Variants in ZBTB44 observed in about 807,000 individuals in gnomAD.
ZBTB44 encodes zinc finger and BTB domain containing 44, also known as zinc finger and BTB domain-containing protein 44.
In ZBTB44, 15 loss-of-function variants were observed where a neutral mutation model predicts 54.0. The observed-to-expected ratio is 0.28, with a 90% CI of 0.19 to 0.43. The LOEUF (loss-of-function observed/expected upper bound fraction) is 0.43, where lower values mean the gene tolerates loss of function less well. Ranked by LOEUF, ZBTB44 falls within the 20% of genes least tolerant of loss-of-function variation. The probability of loss-of-function intolerance (pLI) is 1.00; values close to 1 mark genes in which losing one functional copy is unlikely to be tolerated. For missense variants in ZBTB44, 487 were observed against 707.1 expected (o/e 0.69, Z 3.53); for synonymous variants, 230 against 250.1 (o/e 0.92, Z 0.76).
intron 1 of ZBTB44, among the ~76,000 whole-genome samples, chr11:130,309,968 A>C (rs1289965362): frequency 6.6e-6 from 1 of 152,018 alleles, no homozygotes; most frequent in Non-Finnish European, 1.5e-5. Context: ...CTCTTTAAAG[A>C]CATGATTTAA....
At chr11:130,278,060 T>C (rs1360629004) in intron 1 of ZBTB44, among the ~76,000 whole-genome samples, 1 of 152,154 alleles carries the variant, frequency 6.6e-6, no homozygotes, top group Admixed American at 6.5e-5. Context: ...GCGTTTTTAC[T>C]GTATGTTTAA....
At chr11:130,251,059 A>G (rs1937957550) in intron 2 of ZBTB44, among the ~76,000 whole-genome samples, 1 of 152,222 alleles carries the variant, frequency 6.6e-6, no homozygotes, top group Admixed American at 6.5e-5. Flanking sequence ...AAAAGGTTAC[A>G]GCAACTGCTA....
At chr11:130,296,146 CA>C in intron 1 of ZBTB44, 2 of 1,461,466 alleles carry the variant, frequency 1.4e-6, no homozygotes, top group Non-Finnish European at 1.9e-6. Context: ...TTCTGCCACC[CA>C]AACTCGAAAA....
chr11:130,235,252 G>C (rs1954058828), intron 5 of ZBTB44, among the ~76,000 whole-genome samples: 1 of 152,152 alleles, frequency 6.6e-6, no homozygotes, highest in Non-Finnish European at 1.5e-5. Context: ...TTTCTAAAAA[G>C]TCTTCATTCA....
At chr11:130,312,478 C>G (rs1942667273) in intron 1 of ZBTB44, among the ~76,000 whole-genome samples, 1 of 152,142 alleles carries the variant, frequency 6.6e-6, no homozygotes, top group Non-Finnish European at 1.5e-5. Context: ...GCTAATTAAG[C>G]CTTCCTTTAC....
intron 1 of ZBTB44, among the ~76,000 whole-genome samples, chr11:130,278,502 C>T (rs958021016): frequency 6.6e-6 from 1 of 152,068 alleles, no homozygotes; most frequent in African/African-American, 2.4e-5. Flanking sequence ...TTTTCTATTG[C>T]TATATCATTT....
chr11:130,245,046 C>T (rs1395905902), intron 2 of ZBTB44, among the ~76,000 whole-genome samples: 1 of 152,204 alleles, frequency 6.6e-6, no homozygotes, highest in African/African-American at 2.4e-5. Flanking sequence ...ATAAAGAACA[C>T]TCATTACTAT....
chr11:130,294,969 C>T (rs774049261), intron 1 of ZBTB44, among the ~76,000 whole-genome samples: 1 of 152,172 alleles, frequency 6.6e-6, no homozygotes, highest in East Asian at 1.9e-4. Context: ...AAGAGTTCAA[C>T]TGCATATACG....
intron 1 of ZBTB44, among the ~76,000 whole-genome samples, chr11:130,277,827 G>C (rs1940215694): frequency 6.6e-6 from 1 of 151,818 alleles, no homozygotes; most frequent in South Asian, 2.1e-4. Context: ...TTTTTATCTA[G>C]GACAGTCTTT....
chr11:130,281,722 G>A (rs888161855), intron 1 of ZBTB44, among the ~76,000 whole-genome samples: 2 of 151,748 alleles, frequency 1.3e-5, no homozygotes, highest in African/African-American at 2.4e-5. Context: ...AGCCACCCAA[G>A]TAGCTGGGAC....
At chr11:130,306,806 T>A (rs1443541042) in intron 1 of ZBTB44, among the ~76,000 whole-genome samples, 2 of 151,900 alleles carry the variant, frequency 1.3e-5, no homozygotes, top group Non-Finnish European at 2.9e-5. Context: ...AAACCAAATA[T>A]CGTATGTTCT....
chr11:130,304,972 G>A lies in ZBTB44; in HGVS notation c.-57+9403C>T, dbSNP rs867894047. 5.9e-5 allele frequency among the ~76,000 whole-genome samples: 9 copies of A among 152,174 alleles called. No homozygotes were observed. In the South Asian group the frequency reaches 1.0e-3, roughly 18 times the overall value. On this transcript the variant is annotated intron_variant, in intron 1 of 7. Coordinates refer to ENST00000357899, the MANE Select transcript of ZBTB44 (RefSeq NM_001301098.2). ...GCTATACACCAATGATGACCAAGCC[G>A]AGAATCAAATCAAGAACGCAATCCC...
chr11:130,249,230 T>A (rs1228644739), intron 2 of ZBTB44, among the ~76,000 whole-genome samples: 1 of 152,192 alleles, frequency 6.6e-6, no homozygotes, highest in Non-Finnish European at 1.5e-5. Context: ...AATATTTGGG[T>A]TCCTACTTTC....
At position 130,229,819 on chromosome 11, in the gene ZBTB44, T is replaced by C. The variant is rs1469387846; in HGVS notation, c.*1945A>G. The C allele has an allele frequency of 6.6e-6, 1 of 152,134 alleles. No individual in the cohort carries two copies. Among genetic ancestry groups the C allele is most frequent in the African/African-American group, 2.4e-5 (1 of 41,450 alleles). 9.4% of individuals were successfully genotyped at this position (152,134 alleles called of 1,614,324 possible). On this transcript the variant is annotated 3_prime_UTR_variant, in exon 8 of 8. Coordinates refer to ENST00000357899, the MANE Select transcript of ZBTB44 (RefSeq NM_001301098.2). The stretch of plus-strand genomic sequence containing the variant: ...ACTTACTTACAGTGAAAACTACATT[T>C]ATTTATTACCTTCTGGCAACTTTGG...
intron 1 of ZBTB44, among the ~76,000 whole-genome samples, chr11:130,262,308 TTTTGTA>T (rs755141890): frequency 7.2e-5 from 11 of 151,804 alleles, no homozygotes; most frequent in Non-Finnish European, 1.6e-4. Context: ...CCTGGCTAAG[TTTTGTA>T]TTTTTGTAGA....
chr11:130,255,861 T>A (rs1938390025), intron 2 of ZBTB44, among the ~76,000 whole-genome samples: 1 of 102,938 alleles, frequency 9.7e-6, no homozygotes, highest in African/African-American at 3.9e-5. Context: ...AATCCCTGAA[T>A]AGACCAATAA....
chr11:130,264,914 G>A (rs987603146), intron 1 of ZBTB44, among the ~76,000 whole-genome samples: 7 of 152,104 alleles, frequency 4.6e-5, no homozygotes, highest in African/African-American at 1.7e-4. Context: ...TCACATTTGT[G>A]TCACATTTTG....
intron 1 of ZBTB44, among the ~76,000 whole-genome samples, chr11:130,283,894 C>T (rs867879672): frequency 4.8e-5 from 7 of 147,260 alleles, no homozygotes; most frequent in African/African-American, 7.7e-5. Context: ...CTCCTGAATC[C>T]GGGAGGTGGA....
chr11:130,246,410 G>A (rs1402345240), intron 2 of ZBTB44, among the ~76,000 whole-genome samples: 1 of 152,162 alleles, frequency 6.6e-6, no homozygotes, highest in South Asian at 2.1e-4. Context: ...CTCAGTGGTA[G>A]TGAGGCTAAG....
Sources: gnomAD v4.1 joint callset for allele counts (sites outside exome capture counted in the v4.1 genomes callset) on GRCh38, gnomAD v4.1.1 for gene constraint, MANE v1.5 for transcripts, NCBI Gene and HGNC (gene_info 2026-07-23, HGNC 2026-07-21) for gene names.